SPPL2A: variants seen among roughly 807,000 people sequenced by gnomAD.
SPPL2A encodes signal peptide peptidase like 2A.
Under a neutral mutation model 63.8 loss-of-function variants are expected in SPPL2A, and 51 were observed. The observed-to-expected ratio is 0.80, with a 90% CI of 0.64 to 1.01. The LOEUF is 1.01. SPPL2A is among the 50% of genes least tolerant of loss of function. The pLI is 0.00. For synonymous variants in SPPL2A, 188 were observed against 205.8 expected, an observed-to-expected ratio of 0.91 and a Z score of 0.74; for missense variants, 553 against 622.7, an observed-to-expected ratio of 0.89 and a Z score of 1.19.
chr15:50,758,678 C>G (rs553971113), intron 1 of SPPL2A, among the ~76,000 whole-genome samples: 2 of 152,114 alleles, frequency 1.3e-5, no homozygotes, highest in Non-Finnish European at 2.9e-5. Context: ...CAAGGCCAGG[C>G]AAGTAATATA....
At chr15:50,733,883 A>G (rs2062749423) in intron 8 of SPPL2A, among the ~76,000 whole-genome samples, 1 of 152,204 alleles carries the variant, frequency 6.6e-6, no homozygotes, top group South Asian at 2.1e-4. Flanking sequence ...CAAAGACATA[A>G]AAATAACCAA....
intron 1 of SPPL2A, among the ~76,000 whole-genome samples, chr15:50,752,900 T>C (rs1206282259): frequency 2.0e-5 from 3 of 152,158 alleles, no homozygotes; most frequent in Admixed American, 1.3e-4. Flanking sequence ...TAACTGTGCA[T>C]GCTGCTGCTC....
chr15:50,731,099 A>G, intron 9 of SPPL2A, 60 bp from the exon 10 acceptor site: 1 of 737,900 alleles, frequency 1.4e-6, no homozygotes, highest in Non-Finnish European at 2.3e-6. Flanking sequence ...GAAGGCATTA[A>G]ATTGTTTTTC....
At chr15:50,709,422 T>C (rs1195197041) in intron 14 of SPPL2A, among the ~76,000 whole-genome samples, 1 of 152,152 alleles carries the variant, frequency 6.6e-6, no homozygotes, top group Non-Finnish European at 1.5e-5. Flanking sequence ...TCTCTTGACT[T>C]GCCAGGCAGA....
chr15:50,706,948 T>C lies in SPPL2A; in HGVS notation c.*852A>G, dbSNP rs2062514074. On this transcript the variant is annotated 3_prime_UTR_variant, in exon 15 of 15. Transcript: ENST00000261854. ...ACGTGCAGTCTGAAGTAATTTCAGT[T>C]CTCAAGTTTATGAAAGGATTGGGTT... The C allele has an allele frequency of 6.6e-6, 1 of 152,144 alleles. No homozygotes were observed. The highest frequency in any genetic ancestry group is 6.6e-5 in the Admixed American group (1 of 15,264). 9.4% of individuals were successfully genotyped at this position (152,144 alleles called of 1,614,324 possible).
At chr15:50,752,553 A>G (rs188575317) in intron 1 of SPPL2A, among the ~76,000 whole-genome samples, 1 of 152,202 alleles carries the variant, frequency 6.6e-6, no homozygotes, top group East Asian at 1.9e-4. Flanking sequence ...CCCTGTCTGT[A>G]CTAAAAATAC....
chr15:50,716,322 G>C (rs2062598501), intron 14 of SPPL2A, among the ~76,000 whole-genome samples: 1 of 151,886 alleles, frequency 6.6e-6, no homozygotes, highest in Non-Finnish European at 1.5e-5. Flanking sequence ...AGCCTCCCAA[G>C]TAGCTGGGAT....
intron 14 of SPPL2A, among the ~76,000 whole-genome samples, chr15:50,711,073 C>T (rs2062552350): frequency 6.6e-6 from 1 of 152,118 alleles, no homozygotes; most frequent in Admixed American, 6.6e-5. Flanking sequence ...TAAGACTTCA[C>T]ATAAAATCAA....
rs1353027118 is a variant in SPPL2A at position 50,720,512 on chromosome 15, C to T, written c.1328-412G>A. ...TTGTTAATAAGCACATACTTTTGAA[C>T]TTTTCTTTTTTTTTTTTTTTTTTCG... On this transcript the variant is annotated intron_variant, in intron 13 of 14. Coordinates refer to ENST00000261854, the MANE Select transcript of SPPL2A (RefSeq NM_032802.4). 2.9e-4 allele frequency among the ~76,000 whole-genome samples: 35 copies of T among 119,730 alleles called. 1 individual carries two copies. The highest frequency in any genetic ancestry group is 2.0e-4 in the Non-Finnish European group (11 of 54,022). 78.5% of individuals were successfully genotyped at this position (119,730 alleles called of 152,430 possible).
intron 14 of SPPL2A, among the ~76,000 whole-genome samples, chr15:50,719,027 T>C (rs963268898): frequency 6.6e-6 from 1 of 152,132 alleles, no homozygotes; most frequent in Admixed American, 6.6e-5. Context: ...CCAACTCTTC[T>C]TAATTTCAAT....
chr15:50,751,667 G>A (rs1351109345), intron 1 of SPPL2A, among the ~76,000 whole-genome samples: 1 of 152,086 alleles, frequency 6.6e-6, no homozygotes, highest in African/African-American at 2.4e-5. Context: ...GGCACCATGT[G>A]AACAGCCCAA....
At chr15:50,710,292 G>A (rs925743737) in intron 14 of SPPL2A, among the ~76,000 whole-genome samples, 2 of 152,252 alleles carry the variant, frequency 1.3e-5, no homozygotes, top group South Asian at 2.1e-4. Context: ...TAGTGAGTCA[G>A]TCCCATCTAA....
At chr15:50,758,221 G>A (rs2062978108) in intron 1 of SPPL2A, among the ~76,000 whole-genome samples, 2 of 145,906 alleles carry the variant, frequency 1.4e-5, no homozygotes, top group African/African-American at 5.1e-5. Context: ...CCTGGGAGGC[G>A]GAGCTTGCAG....
rs2062513766 is a variant in SPPL2A, at chr15:50,706,915, TA to T, written c.*884del. ...TCTATATCTGGAAAAATGTTCTTAA[TA>T]TAATACACGTGCAGTCTGAAGTAAT... On this transcript the variant is annotated 3_prime_UTR_variant, in exon 15 of 15. Coordinates refer to ENST00000261854, the MANE Select transcript of SPPL2A (RefSeq NM_032802.4). 1 of 152,116 alleles carries T rather than the reference TA, an allele frequency of 6.6e-6. No homozygotes were observed. 9.4% of individuals were successfully genotyped at this position (152,116 alleles called of 1,614,324 possible).
chr15:50,728,024 T>C (rs577253642), intron 10 of SPPL2A, among the ~76,000 whole-genome samples: 14 of 152,376 alleles, frequency 9.2e-5, no homozygotes, highest in African/African-American at 3.4e-4. Flanking sequence ...ATTTTCATCC[T>C]ATACCTTTAA....
intron 1 of SPPL2A, among the ~76,000 whole-genome samples, chr15:50,761,325 AAGAC>A (rs1567169737): frequency 1.3e-5 from 2 of 152,174 alleles, no homozygotes; most frequent in Non-Finnish European, 1.5e-5. Flanking sequence ...GCAATTTAAA[AAGAC>A]AGAGCTGCCG....
At chr15:50,759,730 G>A (rs922346122) in intron 1 of SPPL2A, among the ~76,000 whole-genome samples, 9 of 150,598 alleles carry the variant, frequency 6.0e-5, no homozygotes, top group Admixed American at 4.0e-4. Context: ...GCGACAGAAC[G>A]AGACTCTGTC....
intron 9 of SPPL2A, 22 bp downstream of exon 9, chr15:50,732,581 A>C (rs2062739483): frequency 1.4e-6 from 2 of 1,392,062 alleles, no homozygotes; most frequent in African/African-American, 2.9e-5. Context: ...TTTAACTAGC[A>C]AAGTAGTATT....
intron 5 of SPPL2A, chr15:50,743,408 T>G (rs955006378): frequency 1.3e-5 from 2 of 152,158 alleles, no homozygotes; most frequent in African/African-American, 2.4e-5. Context: ...TGCAGTGGCA[T>G]GATAACGGCT....
Sources: gnomAD v4.1 joint callset for allele counts (sites outside exome capture counted in the v4.1 genomes callset) on GRCh38, gnomAD v4.1.1 for gene constraint, MANE v1.5 for transcripts, NCBI Gene and HGNC (gene_info 2026-07-23, HGNC 2026-07-21) for gene names.